The following ZFHX3 variants were observed in gnomAD, a reference collection of about 807,000 sequenced individuals.
ZFHX3 encodes the protein zinc finger homeobox protein 3.
ZFHX3 carries 42 observed loss-of-function variants against 279.1 expected under a neutral mutation model. The observed-to-expected ratio is 0.15, with a 90% CI of 0.12 to 0.19. ZFHX3 has a LOEUF of 0.19. Among genes scored for constraint, ZFHX3 ranks in the 10% least tolerant of loss-of-function variants. The pLI is 1.00. For synonymous variants in ZFHX3, 2,293 were observed against 1,957.8 expected, an observed-to-expected ratio of 1.17 and a Z score of -4.52; for missense variants, 4,981 against 4,754.0, an observed-to-expected ratio of 1.05 and a Z score of -1.40.
intron 4 of ZFHX3, among the ~76,000 whole-genome samples, chr16:72,854,755 G>A (rs567597083): frequency 1.2e-4 from 19 of 152,116 alleles, no homozygotes; most frequent in African/African-American, 3.6e-4. Flanking sequence ...AAAACCACCC[G>A]GAGGAGAGCC....
chr16:73,242,904 C>T (rs545757732), intron 5 of ZFHX3, among the ~76,000 whole-genome samples: 5 of 152,264 alleles, frequency 3.3e-5, no homozygotes, highest in Admixed American at 1.3e-4. Context: ...GCAACTGGGC[C>T]GTGCTATGGA....
intron 3 of ZFHX3, among the ~76,000 whole-genome samples, chr16:72,923,370 A>C (rs988986588): frequency 5.4e-5 from 8 of 149,378 alleles, no homozygotes; most frequent in Non-Finnish European, 5.9e-5. Flanking sequence ...TGTAGAGCCT[A>C]GGAGGCAGAG....
At position 73,289,217 on chromosome 16, in the gene ZFHX3, C is replaced by T. The variant is rs889853629; in HGVS notation, c.-1194+29023G>A. Among the ~76,000 whole-genome samples, 12 of 151,882 alleles carry T rather than the reference C, an allele frequency of 7.9e-5. No homozygotes were observed. In the East Asian group the frequency reaches 1.2e-3, roughly 15 times the overall value. On this transcript the variant is annotated intron_variant, in intron 4 of 17. Transcript: ENST00000641206. Reference sequence around the variant, plus strand: ...TGGCTGGGGAGGAAAATGCCGCTGTCTGGCTGAACATCCCTCCAAAGGGGA... The same window carrying T: ...TGGCTGGGGAGGAAAATGCCGCTGTTTGGCTGAACATCCCTCCAAAGGGGA...
In ZFHX3 at chr16:73,700,234, G is replaced by A. The variant is rs527278980; in HGVS notation, c.-1607-19994C>T. On this transcript the variant is annotated intron_variant, in intron 1 of 17. Transcript: ENST00000641206. ...AGGGAGACTCTGTCTCAAAAAAAAA[G>A]AAAAGAAAATTCCTTTCTTCTAAAA... 1.4e-4 allele frequency among the ~76,000 whole-genome samples: 21 copies of A among 151,980 alleles called. No homozygotes were observed. In the East Asian group the frequency reaches 3.3e-3, roughly 24 times the overall value.
intron 5 of ZFHX3, among the ~76,000 whole-genome samples, chr16:72,823,080 T>C (rs1411106390): frequency 2.6e-5 from 4 of 151,998 alleles, no homozygotes; most frequent in African/African-American, 9.7e-5. Flanking sequence ...GAAAGTGGCC[T>C]GGAAAAAAAA....
rs886788486 is a variant in ZFHX3, at chr16:73,196,933, G to A, written c.-1103-53102C>T. Among the ~76,000 whole-genome samples the A allele has an allele frequency of 2.0e-5, 3 of 152,170 alleles. No individual in the cohort carries two copies. The East Asian group carries it at 5.8e-4, about 29-fold the overall frequency. On this transcript the variant is annotated intron_variant, in intron 5 of 17. Coordinates refer to the ZFHX3 transcript ENST00000641206. ...GCGTTCTGGAGGGCCATGGAGCTGG[G>A]ACACTGGTATTGACATGGTGACCCC...
At chr16:73,889,907 C>T (rs549698451) in intron 1 of ZFHX3, among the ~76,000 whole-genome samples, 18 of 152,226 alleles carry the variant, frequency 1.2e-4, no homozygotes, top group African/African-American at 4.3e-4. Flanking sequence ...CATTTAAAGT[C>T]CTTAACAATA....
chr16:73,779,018 T>C (rs745791129), intron 1 of ZFHX3, among the ~76,000 whole-genome samples: 10 of 152,220 alleles, frequency 6.6e-5, no homozygotes, highest in Non-Finnish European at 1.5e-4. Context: ...TGCTCTAGAA[T>C]AAGCCTGAGT....
intron 1 of ZFHX3, among the ~76,000 whole-genome samples, chr16:73,850,630 C>T (rs1167013526): frequency 6.6e-6 from 1 of 152,158 alleles, no homozygotes; most frequent in Non-Finnish European, 1.5e-5. Flanking sequence ...GCATAAATTG[C>T]CTGTCCTCTG....
chr16:73,819,486 G>GA (rs1253333105), intron 1 of ZFHX3, among the ~76,000 whole-genome samples: 2 of 152,070 alleles, frequency 1.3e-5, no homozygotes, highest in South Asian at 2.1e-4. Context: ...TTTCCCACCA[G>GA]AAAATCTTCC....
intron 3 of ZFHX3, among the ~76,000 whole-genome samples, chr16:73,380,964 A>G (rs57032519): frequency 0.015 from 2,356 of 152,268 alleles, 76 homozygotes; most frequent in African/African-American, 0.053. Context: ...TCCTAGATAC[A>G]GTAGCTGCTT....
At chr16:73,283,782 A>G (rs1461197200) in intron 4 of ZFHX3, among the ~76,000 whole-genome samples, 2 of 152,170 alleles carry the variant, frequency 1.3e-5, no homozygotes, top group Non-Finnish European at 2.9e-5. Context: ...TATCTCTACT[A>G]AAAGTGAAAG....
chr16:73,789,567 G>T (rs528977015), intron 1 of ZFHX3, among the ~76,000 whole-genome samples: 5 of 152,270 alleles, frequency 3.3e-5, no homozygotes, highest in African/African-American at 9.6e-5. Flanking sequence ...GAATAAAAGT[G>T]CTAGAAGGAA....
intron 5 of ZFHX3, among the ~76,000 whole-genome samples, chr16:73,200,866 C>A (rs150464581): frequency 2.6e-5 from 4 of 152,172 alleles, no homozygotes; most frequent in Non-Finnish European, 5.9e-5. Context: ...TTACCTGTTA[C>A]GCTCATGATT....
intron 5 of ZFHX3, among the ~76,000 whole-genome samples, chr16:73,157,465 T>TTAAAAAAAAAAAA (rs1346539597): frequency 1.7e-4 from 13 of 76,520 alleles, no homozygotes; most frequent in African/African-American, 3.5e-4. Context: ...GAATGTTTGG[T>TTAAAAAAAAAAAA]AAAAAAAAAA....
intron 1 of ZFHX3, among the ~76,000 whole-genome samples, chr16:73,854,165 T>G (rs1373643397): frequency 1.3e-5 from 2 of 152,244 alleles, no homozygotes. Context: ...CAAACCTACT[T>G]ATAAACTTGT....
intron 1 of ZFHX3, among the ~76,000 whole-genome samples, chr16:73,809,075 G>A (rs78867688): frequency 0.014 from 2,190 of 152,254 alleles, 50 homozygotes; most frequent in African/African-American, 0.049. Context: ...CCTAAAAGCA[G>A]GGGTTGATGG....
chr16:73,804,201 G>A (rs1960212005), intron 1 of ZFHX3, among the ~76,000 whole-genome samples: 1 of 152,082 alleles, frequency 6.6e-6, no homozygotes, highest in South Asian at 2.1e-4. Flanking sequence ...ATTACAAGGG[G>A]TAGGAGGAAC....
At chr16:73,724,792 CAGAA>C (rs887621370) in intron 1 of ZFHX3, among the ~76,000 whole-genome samples, 1 of 152,174 alleles carries the variant, frequency 6.6e-6, no homozygotes, top group African/African-American at 2.4e-5. Context: ...GCAAACCAAA[CAGAA>C]AGAATTCTTA....
Sources: allele counts gnomAD v4.1 joint callset (sites outside exome capture counted in the v4.1 genomes callset), GRCh38; gene constraint gnomAD v4.1.1; transcripts MANE v1.5; gene names NCBI Gene and HGNC (gene_info 2026-07-23, HGNC 2026-07-21).